Variants in VSNL1 observed in about 807,000 individuals in gnomAD.
VSNL1 encodes visinin-like protein 1.
A neutral mutation model predicts 20.4 loss-of-function variants in VSNL1; 6 were observed. The ratio of observed to expected loss-of-function variants is 0.29; its 90% CI spans 0.16 to 0.58. The LOEUF (loss-of-function observed/expected upper bound fraction) is 0.58, where lower values mean the gene tolerates loss of function less well. Among genes scored for constraint, VSNL1 ranks in the 20% least tolerant of loss-of-function variants. The probability of loss-of-function intolerance (pLI) is 0.90; values close to 1 mark genes in which losing one functional copy is unlikely to be tolerated. For missense variants in VSNL1, 100 were observed against 234.5 expected (o/e 0.43, Z 3.75); for synonymous variants, 93 against 86.4 (o/e 1.08, Z -0.42).
chr2:17,610,407 G>A (rs1265484417), intron 2 of VSNL1, among the ~76,000 whole-genome samples: 2 of 152,132 alleles, frequency 1.3e-5, no homozygotes, highest in East Asian at 1.9e-4. Flanking sequence ...GCTGGAAGAG[G>A]CTCCAGGAAG....
intron 2 of VSNL1, among the ~76,000 whole-genome samples, chr2:17,592,605 A>AAAAGTAC (rs139547627): frequency 0.1 from 14,441 of 141,916 alleles, 1,050 homozygotes; most frequent in African/African-American, 0.18. Context: ...CAGTTAAAGA[A>AAAAGTAC]AAAGTACACA....
At chr2:17,585,290 A>G (rs1193481753) in intron 1 of VSNL1, among the ~76,000 whole-genome samples, 2 of 152,052 alleles carry the variant, frequency 1.3e-5, no homozygotes, top group Non-Finnish European at 1.5e-5. Flanking sequence ...CCCGCTGGGA[A>G]ATGCTGCTGG....
chr2:17,592,489 T>C lies in VSNL1; in HGVS notation c.162+253T>C, dbSNP rs75476203. Among the ~76,000 whole-genome samples the C allele has an allele frequency of 8.3e-3, 1,271 of 152,264 alleles. 15 individuals are homozygous for C. Among genetic ancestry groups the C allele is most frequent in the African/African-American group, 0.029 (1,193 of 41,566 alleles). On this transcript the variant is annotated intron_variant, in intron 2 of 3. Coordinates refer to ENST00000295156, the MANE Select transcript of VSNL1 (RefSeq NM_003385.5). ...ATAGAGCTCAAGGAATGACAGCATC[T>C]GGTGAAAGAACCATAAAAAGCTCAG...
chr2:17,619,995 T>G (rs1289209063), intron 2 of VSNL1, among the ~76,000 whole-genome samples: 1 of 152,134 alleles, frequency 6.6e-6, no homozygotes, highest in East Asian at 1.9e-4. Context: ...GCACTTGCCC[T>G]AGCTTGGAGT....
At chr2:17,593,921 A>T (rs1267650439) in intron 2 of VSNL1, among the ~76,000 whole-genome samples, 1 of 152,230 alleles carries the variant, frequency 6.6e-6, no homozygotes, top group Non-Finnish European at 1.5e-5. Context: ...CAAAGAAAGT[A>T]CAGACAAACA....
At chr2:17,586,547 A>G (rs1320825117) in intron 1 of VSNL1, among the ~76,000 whole-genome samples, 1 of 152,176 alleles carries the variant, frequency 6.6e-6, no homozygotes, top group Admixed American at 6.5e-5. Context: ...ATCATGCTTC[A>G]TATTCCAAGA....
chr2:17,655,480 C>G lies in VSNL1; in HGVS notation c.*86C>G. 1 of 1,062,330 alleles carries G rather than the reference C, an allele frequency of 9.4e-7. No homozygotes were observed. The allele number at this position is 1,062,330 out of a possible 1,614,324, so 65.8% of individuals were successfully genotyped here. A position where few individuals can be genotyped will look rare whatever the true frequency, so the allele number is the denominator to read the frequency against. ...TCACACACACACACACACACACACA[C>G]ACACACACACACACACACACAAATA... On this transcript the variant is annotated 3_prime_UTR_variant, in exon 4 of 4. Transcript: ENST00000295156. The surrounding 1 kb of genome is among the most constrained non-coding windows in gnomAD (Gnocchi z 5.2).
At chr2:17,637,365 CAG>C (rs200724485) in intron 2 of VSNL1, among the ~76,000 whole-genome samples, 2,270 of 152,330 alleles carry the variant, frequency 0.015, 32 homozygotes, top group African/African-American at 0.036. Context: ...CTGCAGCCGG[CAG>C]AGTCTCCTCA....
chr2:17,609,940 C>T lies in VSNL1; in HGVS notation c.162+17704C>T, dbSNP rs375240667. 2.8e-4 allele frequency among the ~76,000 whole-genome samples: 43 copies of T among 152,350 alleles called. No individual in the cohort carries two copies. The East Asian group carries it at 6.7e-3, about 24-fold the overall frequency. ...CCAGCCTTTATCCCCACATGGAGCC[C>T]GGCAGGCTGTGCCACTGGACTGGTT... On this transcript the variant is annotated intron_variant, in intron 2 of 3. Transcript: ENST00000295156.
At chr2:17,611,340 T>G (rs1451569842) in intron 2 of VSNL1, among the ~76,000 whole-genome samples, 1 of 152,254 alleles carries the variant, frequency 6.6e-6, no homozygotes, top group Non-Finnish European at 1.5e-5. Flanking sequence ...TGACTCTTGC[T>G]GTGTGACAAA....
At chr2:17,596,399 T>C (rs958912311) in intron 2 of VSNL1, among the ~76,000 whole-genome samples, 3 of 152,230 alleles carry the variant, frequency 2.0e-5, no homozygotes, top group Admixed American at 6.5e-5. Context: ...TGATTGCCAA[T>C]CCATCACAAA....
intron 2 of VSNL1, among the ~76,000 whole-genome samples, chr2:17,628,954 C>T (rs1665572926): frequency 6.6e-6 from 1 of 152,252 alleles, no homozygotes; most frequent in South Asian, 2.1e-4. Flanking sequence ...AGCCTTAGGT[C>T]TCTCTGTGCT....
intron 2 of VSNL1, among the ~76,000 whole-genome samples, chr2:17,593,345 C>T (rs1453153639): frequency 6.6e-6 from 1 of 152,090 alleles, no homozygotes; most frequent in African/African-American, 2.4e-5. Flanking sequence ...CATTATATAG[C>T]AGTCAAAATA....
chr2:17,575,760 C>A (rs1368781278), intron 1 of VSNL1, among the ~76,000 whole-genome samples: 2 of 152,026 alleles, frequency 1.3e-5, no homozygotes, highest in African/African-American at 4.8e-5. Flanking sequence ...TGGTCTCGAA[C>A]TCCTGACCTT....
At chr2:17,586,446 C>G (rs546503073) in intron 1 of VSNL1, among the ~76,000 whole-genome samples, 1 of 152,246 alleles carries the variant, frequency 6.6e-6, no homozygotes, top group South Asian at 2.1e-4. Context: ...ACCTGGGGAC[C>G]GGTGACAGGT....
intron 2 of VSNL1, among the ~76,000 whole-genome samples, chr2:17,645,200 G>A (rs552350659): frequency 6.3e-4 from 96 of 152,380 alleles, no homozygotes; most frequent in Non-Finnish European, 1.2e-3. Flanking sequence ...GAGCCCTGGA[G>A]AGAGGCATCC....
chr2:17,599,912 T>C (rs1457205945), intron 2 of VSNL1, among the ~76,000 whole-genome samples: 1 of 152,162 alleles, frequency 6.6e-6, no homozygotes. Context: ...GTTTATCTTG[T>C]GGTAGAGCAG....
intron 2 of VSNL1, among the ~76,000 whole-genome samples, chr2:17,627,629 G>A (rs1665542321): frequency 6.6e-6 from 1 of 152,200 alleles, no homozygotes; most frequent in African/African-American, 2.4e-5. Context: ...GTCAGTTCCT[G>A]TGTTGGGGCC....
chr2:17,540,415 G>A (rs1214716805), upstream of VSNL1, among the ~76,000 whole-genome samples: 1 of 152,244 alleles, frequency 6.6e-6, no homozygotes, highest in African/African-American at 2.4e-5. Context: ...TCCAGGTGCG[G>A]GTTGCTCCGG....
Sources: gnomAD v4.1 joint callset for allele counts (sites outside exome capture counted in the v4.1 genomes callset) on GRCh38, gnomAD v4.1.1 for gene constraint, Gnocchi (gnomAD v3.1) non-coding constraint, MANE v1.5 for transcripts, NCBI Gene and HGNC (gene_info 2026-07-23, HGNC 2026-07-21) for gene names.